Variants in PAG1 observed in about 807,000 individuals in gnomAD.
PAG1 encodes phosphoprotein membrane anchor with glycosphingolipid microdomains 1.
A neutral mutation model predicts 31.7 loss-of-function variants in PAG1; 23 were observed. That is an observed-to-expected ratio of 0.73 (90% CI 0.52 to 1.03). The LOEUF is 1.03. Ranked by LOEUF, PAG1 falls within the 50% of genes least tolerant of loss-of-function variation. The probability of loss-of-function intolerance (pLI) is 0.00; values close to 1 mark genes in which losing one functional copy is unlikely to be tolerated. For missense variants in PAG1, 473 were observed against 540.7 expected, an observed-to-expected ratio of 0.87 and a Z score of 1.24; for synonymous variants, 214 against 210.3, an observed-to-expected ratio of 1.02 and a Z score of -0.15.
At chr8:80,987,229 G>A (rs1256163985) in intron 6 of PAG1, 141 bp downstream of exon 6, 5 of 611,358 alleles carry the variant, frequency 8.2e-6, no homozygotes, top group Non-Finnish European at 1.5e-5. Context: ...TCATCCAAAT[G>A]AGGGGTTCTG....
intron 3 of PAG1, among the ~76,000 whole-genome samples, chr8:81,010,784 C>T (rs1423630385): frequency 6.6e-6 from 1 of 152,200 alleles, no homozygotes; most frequent in East Asian, 1.9e-4. Flanking sequence ...GCAGGTGGAC[C>T]CAACCATTCC....
At chr8:81,063,491 G>A (rs1021753469) in intron 2 of PAG1, among the ~76,000 whole-genome samples, 1 of 152,140 alleles carries the variant, frequency 6.6e-6, no homozygotes, top group East Asian at 1.9e-4. Flanking sequence ...GGTGAGGATG[G>A]AGCTTTCATA....
intron 1 of PAG1, among the ~76,000 whole-genome samples, chr8:81,072,919 C>T (rs913287945): frequency 6.6e-6 from 1 of 152,198 alleles, no homozygotes; most frequent in Non-Finnish European, 1.5e-5. Context: ...ATCACAGCTG[C>T]TCAAAACCTT....
chr8:81,091,728 T>C (rs1809449105), intron 1 of PAG1, among the ~76,000 whole-genome samples: 1 of 152,096 alleles, frequency 6.6e-6, no homozygotes, highest in African/African-American at 2.4e-5. Context: ...TAGGACTTGG[T>C]AAATGCTAAA....
intron 2 of PAG1, among the ~76,000 whole-genome samples, chr8:81,049,943 G>A (rs1324843472): frequency 1.3e-5 from 2 of 152,116 alleles, no homozygotes; most frequent in Non-Finnish European, 2.9e-5. Context: ...CAAACCCCAC[G>A]CTGGGACTGG....
chr8:81,100,666 T>C (rs1426016916), intron 1 of PAG1, among the ~76,000 whole-genome samples: 1 of 152,234 alleles, frequency 6.6e-6, no homozygotes, highest in Non-Finnish European at 1.5e-5. Context: ...ATGCCTTTCA[T>C]GCTATGGCTT....
intron 1 of PAG1, among the ~76,000 whole-genome samples, chr8:81,102,902 G>A (rs939334718): frequency 6.6e-6 from 1 of 151,974 alleles, no homozygotes; most frequent in Admixed American, 6.6e-5. Context: ...TATTACAAAA[G>A]GAAAACCAAT....
intron 2 of PAG1, among the ~76,000 whole-genome samples, chr8:81,059,889 A>C (rs1460226326): frequency 6.6e-6 from 1 of 151,908 alleles, no homozygotes; most frequent in Admixed American, 6.6e-5. Context: ...GGGAGTGCAC[A>C]CCTGTAATCC....
chr8:80,976,486 A>G lies in PAG1; in HGVS notation c.*58T>C, dbSNP rs552357371. Reference sequence around the variant, plus strand: ...AGGTTTGTGTCACTTCTTCTCTTCCACAGAAGAAACGTCTCCAGACACTGA... The same window carrying G: ...AGGTTTGTGTCACTTCTTCTCTTCCGCAGAAGAAACGTCTCCAGACACTGA... On this transcript the variant is annotated 3_prime_UTR_variant, in exon 9 of 9. Coordinates refer to ENST00000220597, the MANE Select transcript of PAG1 (RefSeq NM_018440.4). 68 of 1,520,982 alleles carry G rather than the reference A, an allele frequency of 4.5e-5. No homozygotes were observed. The East Asian group carries it at 1.4e-3, about 32-fold the overall frequency. 94.2% of individuals were successfully genotyped at this position (1,520,982 alleles called of 1,614,324 possible). A position where few individuals can be genotyped will look rare whatever the true frequency, so the allele number is the denominator to read the frequency against.
chr8:81,080,805 T>C (rs1362718381), intron 1 of PAG1, among the ~76,000 whole-genome samples: 2 of 152,114 alleles, frequency 1.3e-5, no homozygotes, highest in Non-Finnish European at 2.9e-5. Context: ...CTGAGGGCCA[T>C]TTGGAATATG....
At chr8:81,010,117 T>C (rs762159396) in intron 3 of PAG1, among the ~76,000 whole-genome samples, 1 of 152,260 alleles carries the variant, frequency 6.6e-6, no homozygotes, top group Non-Finnish European at 1.5e-5. Context: ...CTTATTTCTC[T>C]TGTAGTATTG....
chr8:81,043,338 T>C (rs1808586694), intron 2 of PAG1, among the ~76,000 whole-genome samples: 1 of 152,198 alleles, frequency 6.6e-6, no homozygotes, highest in African/African-American at 2.4e-5. Context: ...TTCACTATAT[T>C]CCCTAATCCC....
chr8:81,108,250 G>C (rs1352170938), intron 1 of PAG1, among the ~76,000 whole-genome samples: 1 of 152,178 alleles, frequency 6.6e-6, no homozygotes, highest in Admixed American at 6.5e-5. Flanking sequence ...TAACTATTAA[G>C]TAAGCAAAAG....
At chr8:81,056,064 T>C (rs1256695307) in intron 2 of PAG1, among the ~76,000 whole-genome samples, 1 of 152,208 alleles carries the variant, frequency 6.6e-6, no homozygotes, top group Non-Finnish European at 1.5e-5. Context: ...TTCTAGTTTT[T>C]GCCCATTCAG....
intron 3 of PAG1, among the ~76,000 whole-genome samples, chr8:81,005,292 A>G (rs1049643082): frequency 2.0e-5 from 3 of 152,154 alleles, no homozygotes; most frequent in Non-Finnish European, 4.4e-5. Flanking sequence ...AGAGAATGGC[A>G]TATATATGTA....
chr8:80,973,553 T>G lies in PAG1; in HGVS notation c.*2991A>C, dbSNP rs1807121126. ...TTCTTACTTACAAGATAAAAAAATTTCCTAAAATTTATTTTTAAATTTCAC... is the reference window on the plus strand; with the variant it reads ...TTCTTACTTACAAGATAAAAAAATTGCCTAAAATTTATTTTTAAATTTCAC... On this transcript the variant is annotated 3_prime_UTR_variant, in exon 9 of 9. Coordinates refer to ENST00000220597, the MANE Select transcript of PAG1 (RefSeq NM_018440.4). The G allele has an allele frequency of 6.6e-6, 1 of 152,206 alleles. No individual in the cohort carries two copies. The highest frequency in any genetic ancestry group is 2.4e-5 in the African/African-American group (1 of 41,446). 9.4% of individuals were successfully genotyped at this position (152,206 alleles called of 1,614,324 possible).
At chr8:81,100,293 A>G (rs768678329) in intron 1 of PAG1, among the ~76,000 whole-genome samples, 8 of 152,242 alleles carry the variant, frequency 5.3e-5, no homozygotes, top group Admixed American at 2.0e-4. Context: ...TGTTCAATAA[A>G]TGATTACATT....
At chr8:81,017,987 A>G (rs575718425) in intron 3 of PAG1, among the ~76,000 whole-genome samples, 2 of 152,356 alleles carry the variant, frequency 1.3e-5, no homozygotes, top group East Asian at 1.9e-4. Context: ...TTATATGTCT[A>G]TAATCAAAAC....
intron 1 of PAG1, among the ~76,000 whole-genome samples, chr8:81,109,440 TAG>T (rs1181431186): frequency 3.3e-5 from 5 of 152,286 alleles, no homozygotes; most frequent in South Asian, 2.1e-4. Flanking sequence ...ATCTCTAAAG[TAG>T]AGATGAAGCC....
Sources: gnomAD v4.1 joint callset for allele counts (sites outside exome capture counted in the v4.1 genomes callset) on GRCh38, gnomAD v4.1.1 for gene constraint, MANE v1.5 for transcripts, NCBI Gene and HGNC (gene_info 2026-07-23, HGNC 2026-07-21) for gene names.